Variants in ERBB4 observed in about 807,000 individuals in gnomAD.
ERBB4 encodes erb-b2 receptor tyrosine kinase 4.
Under a neutral mutation model 158.0 loss-of-function variants are expected in ERBB4, and 42 were observed. That is an observed-to-expected ratio of 0.27 (90% confidence interval 0.21 to 0.34). The LOEUF (loss-of-function observed/expected upper bound fraction) is 0.34. Ranked by LOEUF, ERBB4 falls within the 10% of genes least tolerant of loss-of-function variation. The pLI, the probability that ERBB4 is intolerant of heterozygous loss-of-function variation, is 1.00. For synonymous variants in ERBB4, 583 were observed against 558.7 expected, an observed-to-expected ratio of 1.04 and a Z score of -0.61; for missense variants, 1,333 against 1,624.1, an observed-to-expected ratio of 0.82 and a Z score of 3.08.
At chr2:212,204,721 C>A in intron 1 of ERBB4, among the ~76,000 whole-genome samples, 4 of 142,002 alleles carry the variant, frequency 2.8e-5, no homozygotes, top group Admixed American at 6.9e-5. Context: ...AAAAAAAAAA[C>A]AGTATTTATG....
intron 19 of ERBB4, among the ~76,000 whole-genome samples, chr2:211,584,460 G>C (rs1442917622): frequency 6.6e-6 from 1 of 152,022 alleles, no homozygotes; most frequent in Non-Finnish European, 1.5e-5. Context: ...TTTCAATCCA[G>C]ATGTATAAGA....
chr2:212,206,687 C>T (rs1426940850), intron 1 of ERBB4, among the ~76,000 whole-genome samples: 1 of 150,508 alleles, frequency 6.6e-6, no homozygotes, highest in African/African-American at 2.4e-5. Context: ...CCCGGGTTCA[C>T]GCCATTCTCC....
chr2:212,533,768 C>T lies in ERBB4; in HGVS notation c.82+4681G>A, dbSNP rs574415448. On this transcript the variant is annotated intron_variant, in intron 1 of 27. Transcript: ENST00000342788. The stretch of plus-strand genomic sequence containing the variant: ...TATGGTGAAATGTAACATAATAGAG[C>T]ATCTCTAAAATGATATAACCTGGAG... Among the ~76,000 whole-genome samples the T allele has an allele frequency of 1.4e-4, 22 of 152,156 alleles. No individual in the cohort carries two copies. In the South Asian group the frequency reaches 4.6e-3, roughly 32 times the overall value.
intron 4 of ERBB4, among the ~76,000 whole-genome samples, chr2:211,757,059 T>A (rs911208267): frequency 1.3e-5 from 2 of 152,232 alleles, no homozygotes; most frequent in African/African-American, 4.8e-5. Context: ...AAATGCTACA[T>A]CAGTAGGAAT....
chr2:212,057,560 C>T (rs925450993), intron 2 of ERBB4, among the ~76,000 whole-genome samples: 1 of 152,278 alleles, frequency 6.6e-6, no homozygotes, highest in South Asian at 2.1e-4. Flanking sequence ...TGTAAAAGAA[C>T]AGAAATTATA....
intron 5 of ERBB4, among the ~76,000 whole-genome samples, chr2:211,737,384 T>C (rs552713832): frequency 1.3e-5 from 2 of 152,302 alleles, no homozygotes; most frequent in South Asian, 2.1e-4. Flanking sequence ...CCTTCAGAAC[T>C]TTCTCTAGTC....
intron 20 of ERBB4, among the ~76,000 whole-genome samples, chr2:211,513,340 A>G (rs530251608): frequency 7.5e-6 from 1 of 134,190 alleles, no homozygotes; most frequent in Non-Finnish European, 1.6e-5. Context: ...CCTGGGCGAC[A>G]GAGCGAGACT....
intron 20 of ERBB4, among the ~76,000 whole-genome samples, chr2:211,511,180 G>A (rs2065875713): frequency 6.6e-6 from 1 of 151,544 alleles, no homozygotes; most frequent in Non-Finnish European, 1.5e-5. Flanking sequence ...ATTTAAATGT[G>A]ACATTAAAAA....
intron 17 of ERBB4, among the ~76,000 whole-genome samples, chr2:211,629,349 G>A (rs1336830833): frequency 6.6e-6 from 1 of 151,388 alleles, no homozygotes; most frequent in East Asian, 2.0e-4. Flanking sequence ...GGGACGTGAA[G>A]GACCTCTTCA....
At chr2:212,399,536 T>TTATTTA (rs2091129986) in intron 1 of ERBB4, among the ~76,000 whole-genome samples, 1 of 20,790 alleles carries the variant, frequency 4.8e-5, no homozygotes, top group African/African-American at 2.0e-4. Context: ...GATATATATT[T>TTATTTA]TATATATACA....
At chr2:211,762,774 C>T (rs1191132647) in intron 4 of ERBB4, among the ~76,000 whole-genome samples, 1 of 152,184 alleles carries the variant, frequency 6.6e-6, no homozygotes, top group Admixed American at 6.5e-5. Context: ...CAAAGCATTG[C>T]CCATGGCAAC....
chr2:211,739,489 G>C (rs1054834405), intron 5 of ERBB4, among the ~76,000 whole-genome samples: 1 of 152,108 alleles, frequency 6.6e-6, no homozygotes, highest in Non-Finnish European at 1.5e-5. Flanking sequence ...TTTTGAGACA[G>C]AGTCTCGCTC....
chr2:211,602,616 T>G (rs1284144017), intron 19 of ERBB4, among the ~76,000 whole-genome samples: 1 of 152,150 alleles, frequency 6.6e-6, no homozygotes, highest in Non-Finnish European at 1.5e-5. Flanking sequence ...GGGTACCATA[T>G]AAAGTATCCT....
chr2:212,323,661 C>G (rs1026852486), intron 1 of ERBB4, among the ~76,000 whole-genome samples: 1 of 150,414 alleles, frequency 6.6e-6, no homozygotes, highest in Admixed American at 6.6e-5. Flanking sequence ...ATGTTATAAA[C>G]ACAAAGTAAA....
At chr2:211,485,613 T>G (rs561354233) in intron 20 of ERBB4, among the ~76,000 whole-genome samples, 1 of 151,576 alleles carries the variant, frequency 6.6e-6, no homozygotes, top group Non-Finnish European at 1.5e-5. Context: ...CATTATCTTA[T>G]ATGTATGTCT....
At chr2:212,140,846 AGTGTGTGTGTGTGTGTGTGTGTGT>A (rs35461019) in intron 1 of ERBB4, among the ~76,000 whole-genome samples, 1 of 131,664 alleles carries the variant, frequency 7.6e-6, no homozygotes, top group East Asian at 2.2e-4. Flanking sequence ...AGGAAACATG[AGTGTGTGTGTGTGTGTGTGTGTGT>A]GTGTGTGTGT....
chr2:212,064,345 G>T (rs951543069), intron 2 of ERBB4, among the ~76,000 whole-genome samples: 1 of 152,010 alleles, frequency 6.6e-6, no homozygotes, highest in African/African-American at 2.4e-5. Context: ...AAATAATTTT[G>T]ACTCTGTCCT....
intron 1 of ERBB4, among the ~76,000 whole-genome samples, chr2:212,494,967 A>G (rs1690479239): frequency 6.6e-6 from 1 of 152,122 alleles, no homozygotes. Context: ...GCTTCCAAAG[A>G]AAAATAAACC....
intron 1 of ERBB4, among the ~76,000 whole-genome samples, chr2:212,142,413 G>A (rs2080511359): frequency 6.6e-6 from 1 of 151,444 alleles, no homozygotes; most frequent in Non-Finnish European, 1.5e-5. Context: ...TTGGAATTCT[G>A]GCTAGAATTC....
Sources: allele counts gnomAD v4.1 joint callset (sites outside exome capture counted in the v4.1 genomes callset), GRCh38; gene constraint gnomAD v4.1.1; transcripts MANE v1.5; gene names NCBI Gene and HGNC (gene_info 2026-07-23, HGNC 2026-07-21).